The following EXOC6B variants were observed in gnomAD, a reference collection of about 807,000 sequenced individuals.
EXOC6B encodes the protein SEC15 homolog B.
Under a neutral mutation model 113.5 loss-of-function variants are expected in EXOC6B, and 54 were observed. The ratio of observed to expected loss-of-function variants is 0.48; its 90% CI spans 0.38 to 0.60. The LOEUF (loss-of-function observed/expected upper bound fraction) is 0.60. Among genes scored for constraint, EXOC6B ranks in the 20% least tolerant of loss-of-function variants. The pLI is 0.00. For missense variants in EXOC6B, 797 were observed against 977.5 expected, an observed-to-expected ratio of 0.82 and a Z score of 2.46; for synonymous variants, 357 against 339.0, an observed-to-expected ratio of 1.05 and a Z score of -0.58.
intron 6 of EXOC6B, among the ~76,000 whole-genome samples, chr2:72,625,234 T>C: frequency 6.6e-6 from 1 of 151,262 alleles, no homozygotes; most frequent in East Asian, 1.9e-4. Context: ...TTAAAATACA[T>C]ATATATATGA....
At chr2:72,623,938 C>G (rs1196853740) in intron 6 of EXOC6B, among the ~76,000 whole-genome samples, 1 of 152,218 alleles carries the variant, frequency 6.6e-6, no homozygotes, top group African/African-American at 2.4e-5. Context: ...AACTTTGATA[C>G]TGTACCTGCA....
At chr2:72,653,385 A>G (rs1674337954) in intron 6 of EXOC6B, among the ~76,000 whole-genome samples, 1 of 117,086 alleles carries the variant, frequency 8.5e-6, no homozygotes, top group Non-Finnish European at 1.7e-5. Flanking sequence ...GAAGGGGAAC[A>G]TCACACTCTG....
intron 6 of EXOC6B, among the ~76,000 whole-genome samples, chr2:72,670,667 T>G (rs1449101279): frequency 6.6e-6 from 1 of 152,216 alleles, no homozygotes; most frequent in African/African-American, 2.4e-5. Context: ...ATCTTTCTTT[T>G]CAGGAAATTG....
intron 20 of EXOC6B, among the ~76,000 whole-genome samples, chr2:72,236,081 T>C (rs1484296968): frequency 1.3e-5 from 2 of 152,202 alleles, no homozygotes; most frequent in East Asian, 1.9e-4. Context: ...AAAAGTGATG[T>C]CTAGAAGAGT....
intron 20 of EXOC6B, among the ~76,000 whole-genome samples, chr2:72,185,348 A>G (rs1321467374): frequency 6.6e-6 from 1 of 152,278 alleles, no homozygotes; most frequent in Non-Finnish European, 1.5e-5. Context: ...GTCTGTCTTC[A>G]CTGTGCAGCT....
intron 18 of EXOC6B, among the ~76,000 whole-genome samples, chr2:72,430,559 A>G (rs2105295936): frequency 6.6e-6 from 1 of 152,350 alleles, no homozygotes; most frequent in Middle Eastern, 3.4e-3. Flanking sequence ...GAGCAGCAGA[A>G]TGGATTGAAC....
intron 18 of EXOC6B, among the ~76,000 whole-genome samples, chr2:72,448,359 G>T (rs953802403): frequency 1.3e-5 from 2 of 152,066 alleles, no homozygotes; most frequent in Non-Finnish European, 2.9e-5. Flanking sequence ...CTAAGTAAAT[G>T]GTATTCAAGT....
intron 20 of EXOC6B, among the ~76,000 whole-genome samples, chr2:72,208,675 T>C (rs1256966762): frequency 1.3e-5 from 2 of 152,148 alleles, no homozygotes; most frequent in Non-Finnish European, 2.9e-5. Context: ...TTCTAGAACC[T>C]AAGATCCAGC....
At chr2:72,502,704 T>A (rs1310900587) in intron 11 of EXOC6B, among the ~76,000 whole-genome samples, 1 of 152,174 alleles carries the variant, frequency 6.6e-6, no homozygotes, top group Non-Finnish European at 1.5e-5. Flanking sequence ...ACTCAATGTA[T>A]CCTTCCAACT....
At chr2:72,480,264 A>G (rs1022648425) in intron 17 of EXOC6B, among the ~76,000 whole-genome samples, 5 of 152,162 alleles carry the variant, frequency 3.3e-5, no homozygotes, top group Admixed American at 3.3e-4. Flanking sequence ...AGAAAATTTT[A>G]ATTAATGTTA....
At chr2:72,359,412 T>C (rs1235500772) in intron 19 of EXOC6B, among the ~76,000 whole-genome samples, 1 of 152,118 alleles carries the variant, frequency 6.6e-6, no homozygotes, top group African/African-American at 2.4e-5. Flanking sequence ...AGCAATAAGT[T>C]GCCATCTTGG....
intron 20 of EXOC6B, among the ~76,000 whole-genome samples, chr2:72,281,878 T>A (rs899024014): frequency 2.3e-4 from 35 of 152,182 alleles, no homozygotes; most frequent in African/African-American, 8.2e-4. Context: ...ATAATAAAAA[T>A]TTTAAATAGA....
rs866773442 is a variant in EXOC6B at position 72,182,977 on chromosome 2, T to C, written c.2309+1098A>G. The C allele has an allele frequency of 2.4e-5, 27 of 1,112,148 alleles. No individual in the cohort carries two copies. In the African/African-American group the frequency reaches 3.9e-4, roughly 16 times the overall value. 68.9% of individuals were successfully genotyped at this position (1,112,148 alleles called of 1,614,324 possible). A position where few individuals can be genotyped will look rare whatever the true frequency, so the allele number is the denominator to read the frequency against. The stretch of plus-strand genomic sequence containing the variant: ...AAAATGGAAACATCAATCTCTGACG[T>C]GGTCAGGAGAAAACTGCAGTCTGAG... On this transcript the variant is annotated intron_variant, in intron 21 of 21. Coordinates refer to ENST00000272427, the MANE Select transcript of EXOC6B (RefSeq NM_015189.3).
rs752873587 is a variant in EXOC6B, at chr2:72,379,859, G to A, written c.1992C>T (p.Ala664=). The A allele has an allele frequency of 1.2e-6, 2 of 1,607,222 alleles. No individual in the cohort carries two copies. The highest frequency in any genetic ancestry group is 2.7e-5 in the African/African-American group (2 of 74,852). ...TGCAAGCTGACATACACGCTGTCTG[G>A]GCCACCTTTCCCTGAAACACAAGAG... ...AVFTHLPGKV[A]QTACMSACKH... Residue 664 remains alanine (A), a synonymous_variant, in exon 19 of 22, where the codon GCC becomes GCT. Transcript: ENST00000272427.
In EXOC6B at chr2:72,825,530, G is replaced by A. The variant is rs1316624426; in HGVS notation, c.113+268C>T. Reference sequence around the variant, plus strand: ...CTGTCGGGCGCCCTCTCGTTCCCCAGCGCCGGACCAGCCTCGGAGGGAGAA... The same window carrying A: ...CTGTCGGGCGCCCTCTCGTTCCCCAACGCCGGACCAGCCTCGGAGGGAGAA... On this transcript the variant is annotated intron_variant, in intron 1 of 21. Coordinates refer to ENST00000272427, the MANE Select transcript of EXOC6B (RefSeq NM_015189.3). This position sits in a 1 kb window ranked among gnomAD's most constrained non-coding sequence, Gnocchi z 4.4. Among the ~76,000 whole-genome samples, 1 of 152,216 alleles carries A rather than the reference G, an allele frequency of 6.6e-6. No homozygotes were observed. Among genetic ancestry groups the A allele is most frequent in the Non-Finnish European group, 1.5e-5 (1 of 68,026 alleles).
chr2:72,254,275 G>T (rs1203950952), intron 20 of EXOC6B, among the ~76,000 whole-genome samples: 1 of 152,204 alleles, frequency 6.6e-6, no homozygotes, highest in African/African-American at 2.4e-5. Context: ...TGAACCCAAT[G>T]ATGGGTATCC....
chr2:72,640,724 A>G (rs371164824), intron 6 of EXOC6B, among the ~76,000 whole-genome samples: 2 of 152,318 alleles, frequency 1.3e-5, no homozygotes, highest in East Asian at 3.9e-4. Flanking sequence ...GGCCCCCAAT[A>G]TTGAATGTTG....
At chr2:72,427,991 T>A (rs147238755) in intron 18 of EXOC6B, among the ~76,000 whole-genome samples, 1 of 152,206 alleles carries the variant, frequency 6.6e-6, no homozygotes, top group Non-Finnish European at 1.5e-5. Context: ...TGTTGGGATG[T>A]CCTGCCTGCA....
chr2:72,451,030 C>T (rs1696880135), intron 18 of EXOC6B, among the ~76,000 whole-genome samples: 1 of 152,148 alleles, frequency 6.6e-6, no homozygotes, highest in Non-Finnish European at 1.5e-5. Context: ...GAACCGATAC[C>T]TCCTATTTCC....
Sources: allele counts gnomAD v4.1 joint callset (sites outside exome capture counted in the v4.1 genomes callset), GRCh38; gene constraint gnomAD v4.1.1; non-coding constraint Gnocchi (gnomAD v3.1); transcripts MANE v1.5; gene names NCBI Gene and HGNC (gene_info 2026-07-23, HGNC 2026-07-21).